The following EYS variants were observed in gnomAD, a reference collection of about 807,000 sequenced individuals.
The protein encoded by EYS is EGF-like photoreceptor maintenance factor, also known as protein eyes shut homolog.
Under a neutral mutation model 282.1 loss-of-function variants are expected in EYS, and 250 were observed. The observed-to-expected ratio is 0.89, with a 90% CI of 0.80 to 0.98. The LOEUF (loss-of-function observed/expected upper bound fraction) is 0.98. Ranked by LOEUF, EYS falls within the 50% of genes least tolerant of loss-of-function variation. EYS has a pLI of 0.00. For missense variants in EYS, 4,016 were observed against 3,709.0 expected, an observed-to-expected ratio of 1.08 and a Z score of -2.15; for synonymous variants, 1,355 against 1,282.9, an observed-to-expected ratio of 1.06 and a Z score of -1.20.
chr6:64,045,902 CAT>C (rs776386578), intron 33 of EYS, among the ~76,000 whole-genome samples: 334 of 125,112 alleles, frequency 2.7e-3, no homozygotes, highest in East Asian at 0.011. Flanking sequence ...ATATATAATA[CAT>C]ATATGTTTAT....
chr6:65,239,711 T>C (rs1470877423), intron 12 of EYS, among the ~76,000 whole-genome samples: 1 of 152,074 alleles, frequency 6.6e-6, no homozygotes, highest in Non-Finnish European at 1.5e-5. Flanking sequence ...TTTTTGAAAT[T>C]AAGATATACA....
At chr6:65,686,811 A>G (rs1735993206) in intron 1 of EYS, among the ~76,000 whole-genome samples, 1 of 152,020 alleles carries the variant, frequency 6.6e-6, no homozygotes, top group South Asian at 2.1e-4. Flanking sequence ...ATGAGGTGAG[A>G]GATGATGAAT....
chr6:65,081,134 A>G (rs1774220760), intron 12 of EYS, among the ~76,000 whole-genome samples: 1 of 152,128 alleles, frequency 6.6e-6, no homozygotes, highest in Non-Finnish European at 1.5e-5. Flanking sequence ...TAAATGGTGA[A>G]TACATATTTT....
At chr6:64,397,241 T>G (rs1183582511) in intron 28 of EYS, among the ~76,000 whole-genome samples, 1 of 152,094 alleles carries the variant, frequency 6.6e-6, no homozygotes, top group Admixed American at 6.6e-5. Context: ...TTTCCATATG[T>G]TAAGGAATTT....
intron 33 of EYS, among the ~76,000 whole-genome samples, chr6:64,018,759 GTTTTTTTTTTTTTTT>G (rs1163533009): frequency 1.3e-4 from 7 of 53,856 alleles, no homozygotes; most frequent in Non-Finnish European, 1.7e-4. Flanking sequence ...CATCACAAGT[GTTTTTTTTTTTTTTT>G]TTTTTTTTTT....
chr6:64,117,627 C>T (rs1288610861), intron 31 of EYS, among the ~76,000 whole-genome samples: 1 of 150,836 alleles, frequency 6.6e-6, no homozygotes, highest in Non-Finnish European at 1.5e-5. Context: ...TGAAAAAAAT[C>T]CTAGATACAA....
At position 64,158,395 on chromosome 6, in the gene EYS, C is replaced by A. The variant is rs555551258; in HGVS notation, c.6424+72197G>T. 2.2e-4 allele frequency among the ~76,000 whole-genome samples: 34 copies of A among 152,024 alleles called. 1 individual carries two copies. In the South Asian group the frequency reaches 5.4e-3, roughly 24 times the overall value. On this transcript the variant is annotated intron_variant, in intron 31 of 42. Coordinates refer to ENST00000503581, the MANE Select transcript of EYS (RefSeq NM_001142800.2). ...TGATTAAGCAAACTAATATTTGATG[C>A]TGAGAAAAAAAACCTACAAAGAAAA...
intron 31 of EYS, among the ~76,000 whole-genome samples, chr6:64,122,058 C>A (rs551278900): frequency 6.6e-6 from 1 of 151,870 alleles, no homozygotes; most frequent in South Asian, 2.1e-4. Context: ...GGGGTAGCAC[C>A]TTTTTTTAGT....
intron 1 of EYS, among the ~76,000 whole-genome samples, chr6:65,660,190 T>G (rs1194663315): frequency 2.0e-5 from 3 of 151,836 alleles, no homozygotes; most frequent in African/African-American, 7.2e-5. Context: ...ATGAAGCTGG[T>G]CCTGCATAGG....
chr6:65,552,625 T>C (rs757497515), intron 2 of EYS, among the ~76,000 whole-genome samples: 14 of 152,182 alleles, frequency 9.2e-5, no homozygotes, highest in African/African-American at 1.4e-4. Flanking sequence ...TTATTAATCA[T>C]GTGCAGATGC....
At chr6:64,220,835 C>T (rs1232160802) in intron 31 of EYS, among the ~76,000 whole-genome samples, 2 of 152,082 alleles carry the variant, frequency 1.3e-5, no homozygotes, top group African/African-American at 4.8e-5. Flanking sequence ...AGCTTGGATT[C>T]CAATCTCAAT....
intron 28 of EYS, among the ~76,000 whole-genome samples, chr6:64,390,235 A>G (rs1224448851): frequency 6.6e-6 from 1 of 152,150 alleles, no homozygotes; most frequent in Admixed American, 6.6e-5. Context: ...TTAGGTAAAC[A>G]AAGCAGCCAG....
chr6:65,433,232 T>C (rs1055085534), intron 5 of EYS, among the ~76,000 whole-genome samples: 1 of 152,132 alleles, frequency 6.6e-6, no homozygotes, highest in African/African-American at 2.4e-5. Context: ...AGCCAATATG[T>C]AGTGTCCTGG....
chr6:64,548,477 A>G (rs985296832), intron 26 of EYS, among the ~76,000 whole-genome samples: 2 of 152,212 alleles, frequency 1.3e-5, no homozygotes, highest in African/African-American at 4.8e-5. Flanking sequence ...ACACATATAC[A>G]CCATGGAATG....
intron 5 of EYS, among the ~76,000 whole-genome samples, chr6:65,453,716 C>T (rs189821034): frequency 6.6e-6 from 1 of 152,088 alleles, no homozygotes; most frequent in African/African-American, 2.4e-5. Context: ...TTGTTCTACT[C>T]TAAGCTTCTA....
chr6:64,434,833 A>AT (rs1333659351), intron 28 of EYS, among the ~76,000 whole-genome samples: 2 of 151,982 alleles, frequency 1.3e-5, no homozygotes, highest in Non-Finnish European at 2.9e-5. Context: ...TTAAAAATGT[A>AT]TTTTTTTACT....
At chr6:64,281,144 T>A (rs923888728) in intron 30 of EYS, among the ~76,000 whole-genome samples, 1 of 152,140 alleles carries the variant, frequency 6.6e-6, no homozygotes, top group Non-Finnish European at 1.5e-5. Context: ...GCCTGGACAC[T>A]GCAATCCTTT....
intron 22 of EYS, chr6:64,733,355 C>A: frequency 5.7e-6 from 1 of 176,128 alleles, no homozygotes; most frequent in Non-Finnish European, 1.2e-5. Context: ...CTGACAGGAG[C>A]AGGGCAGTCA....
At chr6:65,687,639 A>T (rs1314471704) in intron 1 of EYS, among the ~76,000 whole-genome samples, 2 of 152,128 alleles carry the variant, frequency 1.3e-5, no homozygotes, top group Non-Finnish European at 2.9e-5. Context: ...AGGAAGTCAA[A>T]TTGTCCCTGT....
Sources: allele counts gnomAD v4.1 joint callset (sites outside exome capture counted in the v4.1 genomes callset), GRCh38; gene constraint gnomAD v4.1.1; transcripts MANE v1.5; gene names NCBI Gene and HGNC (gene_info 2026-07-23, HGNC 2026-07-21).